Variants in FSHR observed in about 807,000 individuals in gnomAD.
The protein encoded by FSHR is follicle stimulating hormone receptor.
Under a neutral mutation model 52.1 loss-of-function variants are expected in FSHR, and 46 were observed. The observed-to-expected ratio is 0.88, with a 90% CI of 0.70 to 1.13. The LOEUF (loss-of-function observed/expected upper bound fraction) is 1.13, where lower values mean the gene tolerates loss of function less well. FSHR is among the 50% of genes most tolerant of loss of function. FSHR has a pLI of 0.00. For synonymous variants in FSHR, 399 were observed against 309.6 expected, an observed-to-expected ratio of 1.29 and a Z score of -3.03; for missense variants, 964 against 834.6, an observed-to-expected ratio of 1.16 and a Z score of -1.91.
intron 1 of FSHR, among the ~76,000 whole-genome samples, chr2:49,146,581 G>A (rs1382809408): frequency 2.0e-5 from 3 of 151,964 alleles, no homozygotes; most frequent in Non-Finnish European, 4.4e-5. Flanking sequence ...AGGGAAACAT[G>A]CTCACTCTCT....
rs545342429 is a variant in FSHR at position 49,069,398 on chromosome 2, G to A, written c.153-1108C>T. ...ATGTTACCATTTCAGTGAAGCTTTC[G>A]CTAACCATCTATTTAAAATGATAAT... On this transcript the variant is annotated intron_variant, in intron 1 of 9. Transcript: ENST00000406846. Among the ~76,000 whole-genome samples, 6 of 152,122 alleles carry A rather than the reference G, an allele frequency of 3.9e-5. No individual in the cohort carries two copies. In the South Asian group the frequency reaches 8.3e-4, roughly 21 times the overall value.
rs1235842233 is a variant in FSHR at position 49,068,431 on chromosome 2, CTT to C, written c.153-143_153-142del. The C allele has an allele frequency of 4.0e-5, 29 of 717,760 alleles. No individual in the cohort carries two copies. In the Admixed American group the frequency reaches 5.2e-4, roughly 13 times the overall value. The allele number at this position is 717,760 out of a possible 1,614,324, so 44.5% of individuals were successfully genotyped here. ...TGTTGAAATTGCTTTTACATTCTCTCTTTTCATCCTGTCTACAACTAGTGATA... is the reference window on the plus strand; with the variant it reads ...TGTTGAAATTGCTTTTACATTCTCTCTTCATCCTGTCTACAACTAGTGATA... On this transcript the variant is annotated intron_variant, in intron 1 of 9. Coordinates refer to ENST00000406846, the MANE Select transcript of FSHR (RefSeq NM_000145.4).
chr2:49,059,026 T>C (rs1196888074), intron 2 of FSHR, among the ~76,000 whole-genome samples: 1 of 151,948 alleles, frequency 6.6e-6, no homozygotes, highest in Non-Finnish European at 1.5e-5. Context: ...CTGGGCAACA[T>C]AATCCCCATC....
chr2:48,979,544 C>G (rs542122560), intron 8 of FSHR, among the ~76,000 whole-genome samples: 1 of 152,176 alleles, frequency 6.6e-6, no homozygotes, highest in Non-Finnish European at 1.5e-5. Context: ...GGGAATTGCC[C>G]TCAGCTGACT....
chr2:49,104,910 T>A (rs1179654963), intron 1 of FSHR, among the ~76,000 whole-genome samples: 1 of 152,060 alleles, frequency 6.6e-6, no homozygotes, highest in Non-Finnish European at 1.5e-5. Flanking sequence ...GAGACCACCC[T>A]TCTAAAAACT....
At chr2:49,002,869 G>A (rs1366484310) in intron 4 of FSHR, among the ~76,000 whole-genome samples, 1 of 152,130 alleles carries the variant, frequency 6.6e-6, no homozygotes, top group Non-Finnish European at 1.5e-5. Context: ...TATCCCTGAT[G>A]TCTTGCTAAG....
chr2:49,153,582 T>C (rs1233497647), intron 1 of FSHR, among the ~76,000 whole-genome samples: 2 of 152,196 alleles, frequency 1.3e-5, no homozygotes, highest in Non-Finnish European at 2.9e-5. Context: ...AGTAGGATGG[T>C]GTCTAAATTC....
At chr2:49,140,575 C>T (rs1393283233) in intron 1 of FSHR, among the ~76,000 whole-genome samples, 2 of 152,004 alleles carry the variant, frequency 1.3e-5, no homozygotes, top group Non-Finnish European at 2.9e-5. Context: ...TGGTGCGTGC[C>T]TGTAATCCCA....
intron 1 of FSHR, among the ~76,000 whole-genome samples, chr2:49,137,251 G>T (rs1219386730): frequency 6.6e-6 from 1 of 151,990 alleles, no homozygotes; most frequent in Non-Finnish European, 1.5e-5. Flanking sequence ...TTTCATTCAT[G>T]ATAGTATTAT....
chr2:49,131,651 G>T (rs902526488), intron 1 of FSHR, among the ~76,000 whole-genome samples: 2 of 152,084 alleles, frequency 1.3e-5, no homozygotes, highest in African/African-American at 4.8e-5. Flanking sequence ...GTAAAGATCT[G>T]ACATGGAAAT....
At chr2:49,049,252 A>G (rs1668769389) in intron 2 of FSHR, among the ~76,000 whole-genome samples, 1 of 152,150 alleles carries the variant, frequency 6.6e-6, no homozygotes, top group South Asian at 2.1e-4. Flanking sequence ...AATTCACTGG[A>G]AGGTCTCACA....
At chr2:48,975,958 C>T (rs1338069601) in intron 8 of FSHR, among the ~76,000 whole-genome samples, 1 of 152,178 alleles carries the variant, frequency 6.6e-6, no homozygotes, top group African/African-American at 2.4e-5. Context: ...TCCTCTCTTC[C>T]TATTTGAATA....
At chr2:48,990,681 G>A (rs1258549449) in intron 4 of FSHR, 44 bp from the exon 5 acceptor site, 1 of 1,128,796 alleles carries the variant, frequency 8.9e-7, no homozygotes, top group South Asian at 1.2e-5. Context: ...GAAACTGGCT[G>A]TTTAAACAGT....
chr2:49,084,084 C>T (rs996979246), intron 1 of FSHR, among the ~76,000 whole-genome samples: 2 of 151,998 alleles, frequency 1.3e-5, no homozygotes, highest in South Asian at 2.1e-4. Context: ...AAATTGACCA[C>T]ATACTTGGAA....
In FSHR at chr2:49,008,493, G is replaced by T. The variant is rs550370243; in HGVS notation, c.374+8996C>A. Among the ~76,000 whole-genome samples the T allele has an allele frequency of 2.6e-5, 4 of 152,176 alleles. No homozygotes were observed. The East Asian group carries it at 5.8e-4, about 22-fold the overall frequency. On this transcript the variant is annotated intron_variant, in intron 4 of 9. Coordinates refer to ENST00000406846, the MANE Select transcript of FSHR (RefSeq NM_000145.4). The stretch of plus-strand genomic sequence containing the variant: ...ATAATGCCGCAATAAACATACGTGT[G>T]CATGTGTCTTAATAGCAGCATGATT...
chr2:49,025,331 C>T (rs1306412847), intron 2 of FSHR, among the ~76,000 whole-genome samples: 1 of 152,152 alleles, frequency 6.6e-6, no homozygotes, highest in Non-Finnish European at 1.5e-5. Context: ...TCATCTCTAA[C>T]TCAGTGAGAG....
At position 49,062,377 on chromosome 2, in the gene FSHR, C is replaced by T. The variant is rs375895756; in HGVS notation, c.224+5842G>A. Among the ~76,000 whole-genome samples the T allele has an allele frequency of 3.3e-5, 5 of 152,162 alleles. No homozygotes were observed. The East Asian group carries it at 7.7e-4, about 24-fold the overall frequency. On this transcript the variant is annotated intron_variant, in intron 2 of 9. Coordinates refer to ENST00000406846, the MANE Select transcript of FSHR (RefSeq NM_000145.4). ...GGATATTCACATGCAGAAAAGGAAACTGGATATCTATATTTCACCATATAC... is the reference window on the plus strand; with the variant it reads ...GGATATTCACATGCAGAAAAGGAAATTGGATATCTATATTTCACCATATAC...
chr2:49,089,592 G>T (rs1277972717), intron 1 of FSHR, among the ~76,000 whole-genome samples: 1 of 152,100 alleles, frequency 6.6e-6, no homozygotes, highest in African/African-American at 2.4e-5. Flanking sequence ...CAAAACAACA[G>T]CTCATCCAGG....
At chr2:49,056,606 G>C (rs988920697) in intron 2 of FSHR, among the ~76,000 whole-genome samples, 5 of 151,754 alleles carry the variant, frequency 3.3e-5, no homozygotes, top group Non-Finnish European at 2.9e-5. Context: ...TAGACAGATT[G>C]TTTAGAGTGA....
Sources: gnomAD v4.1 joint callset for allele counts (sites outside exome capture counted in the v4.1 genomes callset) on GRCh38, gnomAD v4.1.1 for gene constraint, MANE v1.5 for transcripts, NCBI Gene and HGNC (gene_info 2026-07-23, HGNC 2026-07-21) for gene names.